CSMD1: variants seen among roughly 807,000 people sequenced by gnomAD.
CSMD1 encodes CUB and Sushi multiple domains 1, also known as CUB and sushi domain-containing protein 1.
Under a neutral mutation model 417.5 loss-of-function variants are expected in CSMD1, and 213 were observed. The ratio of observed to expected loss-of-function variants is 0.51; its 90% CI spans 0.46 to 0.57. The LOEUF (loss-of-function observed/expected upper bound fraction) is 0.57. CSMD1 is among the 20% of genes least tolerant of loss of function. The pLI, the probability that CSMD1 is intolerant of heterozygous loss-of-function variation, is 0.00. For missense variants in CSMD1, 6,923 were observed against 4,529.7 expected, an observed-to-expected ratio of 1.53 and a Z score of -15.17; for synonymous variants, 2,862 against 1,736.8, an observed-to-expected ratio of 1.65 and a Z score of -16.11.
chr8:2,950,992 G>T, intron 66 of CSMD1, 122 bp downstream of exon 66: 2 of 935,304 alleles, frequency 2.1e-6, no homozygotes, highest in Admixed American at 3.3e-5. Context: ...ATGAGTTACA[G>T]TATATACAAA....
intron 6 of CSMD1, among the ~76,000 whole-genome samples, chr8:3,735,427 T>A (rs917479255): frequency 9.2e-5 from 14 of 152,254 alleles, no homozygotes; most frequent in African/African-American, 3.4e-4. Context: ...GATTCCAGAA[T>A]GCATCTACAA....
chr8:4,189,906 T>G (rs941077832), intron 3 of CSMD1, among the ~76,000 whole-genome samples: 1 of 151,896 alleles, frequency 6.6e-6, no homozygotes, highest in Admixed American at 6.6e-5. Flanking sequence ...CCATTGAAAA[T>G]CTGTACTCTT....
At chr8:4,441,503 G>C (rs1348344879) in intron 2 of CSMD1, among the ~76,000 whole-genome samples, 1 of 151,942 alleles carries the variant, frequency 6.6e-6, no homozygotes, top group Non-Finnish European at 1.5e-5. Context: ...TACAGAGAGA[G>C]AATGCATTAT....
At chr8:3,735,053 T>C (rs563724746) in intron 6 of CSMD1, among the ~76,000 whole-genome samples, 1 of 152,284 alleles carries the variant, frequency 6.6e-6, no homozygotes, top group South Asian at 2.1e-4. Context: ...GTGATATGAA[T>C]GTGGACATGG....
chr8:4,268,528 T>A lies in CSMD1; in HGVS notation c.415+151425A>T, dbSNP rs368536270. 3.3e-4 allele frequency among the ~76,000 whole-genome samples: 50 copies of A among 152,246 alleles called. 1 individual carries two copies. In the South Asian group the frequency reaches 9.7e-3, roughly 30 times the overall value. ...GAGAAACAAGTAGTAGTCAAAATGA[T>A]TTTTTAAATTTTATTTCACTTACTT... On this transcript the variant is annotated intron_variant, in intron 3 of 69. Coordinates refer to ENST00000635120, the MANE Select transcript of CSMD1 (RefSeq NM_033225.6).
At position 3,411,757 on chromosome 8, in the gene CSMD1, T is replaced by TAC. The variant is rs1554543090; in HGVS notation, c.1562-2154_1562-2153dup. ...ACACGTGTATATATACACGTGTATA[T>TAC]ACGTGTATATACGTGTGTATATACC... On this transcript the variant is annotated intron_variant, in intron 12 of 69. Transcript: ENST00000635120. Among the ~76,000 whole-genome samples the TAC allele has an allele frequency of 3.8e-5, 5 of 130,616 alleles. 1 individual carries two copies. The East Asian group carries it at 9.5e-4, about 25-fold the overall frequency. The allele number at this position is 130,616 out of a possible 152,430, so 85.7% of individuals were successfully genotyped here. A position where few individuals can be genotyped will look rare whatever the true frequency, so the allele number is the denominator to read the frequency against.
chr8:3,890,766 G>C lies in CSMD1; in HGVS notation c.818+107137C>G, dbSNP rs187169052. ...ATGTGGCTCTGTTGTCTGTGCTAATGTTTGAGCAAATTTTTGTCCTCAGAC... is the reference window on the plus strand; with the variant it reads ...ATGTGGCTCTGTTGTCTGTGCTAATCTTTGAGCAAATTTTTGTCCTCAGAC... On this transcript the variant is annotated intron_variant, in intron 5 of 69. Coordinates refer to ENST00000635120, the MANE Select transcript of CSMD1 (RefSeq NM_033225.6). Among the ~76,000 whole-genome samples the C allele has an allele frequency of 3.3e-5, 5 of 152,294 alleles. No individual in the cohort carries two copies. The East Asian group carries it at 9.7e-4, about 29-fold the overall frequency.
intron 1 of CSMD1, among the ~76,000 whole-genome samples, chr8:4,897,225 T>C (rs903490819): frequency 6.6e-6 from 1 of 152,122 alleles, no homozygotes; most frequent in African/African-American, 2.4e-5. Flanking sequence ...CACGTCTGTT[T>C]TGTTTCTACT....
At chr8:3,308,208 T>A (rs1290777594) in intron 24 of CSMD1, 104 bp downstream of exon 24, 1 of 855,368 alleles carries the variant, frequency 1.2e-6, no homozygotes, top group African/African-American at 1.7e-5. Flanking sequence ...CTGGAAAGTG[T>A]GATAAAATTC....
rs1020641483 is a variant in CSMD1, at chr8:4,668,415, C to T, written c.86-30857G>A. ...ACTCTAACTTGCTTTTGATGTTTTC[C>T]ATTATTATTATTATTATTATTATTA... On this transcript the variant is annotated intron_variant, in intron 1 of 69. Coordinates refer to ENST00000635120, the MANE Select transcript of CSMD1 (RefSeq NM_033225.6). Among the ~76,000 whole-genome samples, 132 of 129,994 alleles carry T rather than the reference C, an allele frequency of 1.0e-3. 1 individual carries two copies. Among genetic ancestry groups the T allele is most frequent in the Middle Eastern group, 3.9e-3 (1 of 258 alleles). 85.3% of individuals were successfully genotyped at this position (129,994 alleles called of 152,430 possible).
At position 4,971,456 on chromosome 8, in the gene CSMD1, G is replaced by A. The variant is rs535750522; in HGVS notation, c.85+22876C>T. On this transcript the variant is annotated intron_variant, in intron 1 of 69. Coordinates refer to ENST00000635120, the MANE Select transcript of CSMD1 (RefSeq NM_033225.6). ...TTCCATAATTCTAACCTTCTGAAAG[G>A]AAAGCTGGCAGACAGGTGGTATTTG... Among the ~76,000 whole-genome samples, 107 of 151,994 alleles carry A rather than the reference G, an allele frequency of 7.0e-4. 1 individual carries two copies. The highest frequency in any genetic ancestry group is 2.3e-3 in the African/African-American group (96 of 41,502).
At chr8:4,295,217 T>G (rs1242621811) in intron 3 of CSMD1, among the ~76,000 whole-genome samples, 6 of 68,142 alleles carry the variant, frequency 8.8e-5, no homozygotes, top group African/African-American at 2.9e-4. Flanking sequence ...AGATTTTCTA[T>G]ATAATCTTAA....
intron 3 of CSMD1, among the ~76,000 whole-genome samples, chr8:4,048,531 T>A (rs1798264745): frequency 6.6e-6 from 1 of 152,176 alleles, no homozygotes; most frequent in African/African-American, 2.4e-5. Context: ...TCCCTCAGGT[T>A]TATAAACCAA....
intron 3 of CSMD1, among the ~76,000 whole-genome samples, chr8:4,083,396 G>A (rs896950952): frequency 3.3e-5 from 5 of 151,672 alleles, no homozygotes; most frequent in Non-Finnish European, 2.9e-5. Context: ...TGTGTTTTTT[G>A]GCTGCATAAA....
At chr8:3,541,679 T>C (rs10091887) in intron 10 of CSMD1, among the ~76,000 whole-genome samples, 3 of 149,574 alleles carry the variant, frequency 2.0e-5, no homozygotes, top group East Asian at 1.9e-4. Flanking sequence ...GGACACCCTA[T>C]AATTAGTACT....
intron 4 of CSMD1, among the ~76,000 whole-genome samples, chr8:4,012,953 C>A (rs1214859985): frequency 6.6e-6 from 1 of 152,124 alleles, no homozygotes; most frequent in Non-Finnish European, 1.5e-5. Flanking sequence ...ATGTGTCTGG[C>A]CATCTCCTCT....
rs7003995 is a variant in CSMD1, at chr8:4,875,726, T to G, written c.85+118606A>C. Among the ~76,000 whole-genome samples, 297 of 152,248 alleles carry G rather than the reference T, an allele frequency of 2.0e-3. 1 individual carries two copies. Among genetic ancestry groups the G allele is most frequent in the African/African-American group, 6.6e-3 (274 of 41,494 alleles). ...AGAAACCAAGATAAATACTAACAAA[T>G]ATGTATATAGGTATGCTCAAACAAG... On this transcript the variant is annotated intron_variant, in intron 1 of 69. Coordinates refer to ENST00000635120, the MANE Select transcript of CSMD1 (RefSeq NM_033225.6).
intron 7 of CSMD1, among the ~76,000 whole-genome samples, chr8:3,654,004 G>A (rs1488216586): frequency 1.3e-5 from 2 of 152,118 alleles, no homozygotes; most frequent in African/African-American, 4.8e-5. Context: ...GATCATTGAT[G>A]TGAAAAGCAA....
chr8:4,045,393 C>T (rs1798098766), intron 3 of CSMD1, among the ~76,000 whole-genome samples: 1 of 152,164 alleles, frequency 6.6e-6, no homozygotes, highest in Non-Finnish European at 1.5e-5. Flanking sequence ...AACAGTGCTA[C>T]ATTACCGATC....
Sources: gnomAD v4.1 joint callset for allele counts (sites outside exome capture counted in the v4.1 genomes callset) on GRCh38, gnomAD v4.1.1 for gene constraint, MANE v1.5 for transcripts, NCBI Gene and HGNC (gene_info 2026-07-23, HGNC 2026-07-21) for gene names.